ELAVL2: variants seen among roughly 807,000 people sequenced by gnomAD.
ELAVL2 encodes the protein ELAV-like protein 2.
ELAVL2 carries 4 observed loss-of-function variants against 34.6 expected under a neutral mutation model. The ratio of observed to expected loss-of-function variants is 0.12; its 90% confidence interval spans 0.06 to 0.26. ELAVL2 has a LOEUF of 0.26. Among genes scored for constraint, ELAVL2 ranks in the 10% least tolerant of loss-of-function variants. The probability of loss-of-function intolerance (pLI) is 1.00; values close to 1 mark genes in which losing one functional copy is unlikely to be tolerated. For missense variants in ELAVL2, 432 were observed against 442.8 expected (o/e 0.98, Z 0.22); for synonymous variants, 193 against 154.8 (o/e 1.25, Z -1.83).
At chr9:23,788,546 G>T (rs1290317764) in intron 1 of ELAVL2, among the ~76,000 whole-genome samples, 2 of 152,142 alleles carry the variant, frequency 1.3e-5, no homozygotes, top group Admixed American at 6.5e-5. Context: ...AAGAACTGCT[G>T]TAACAGTACA....
intron 3 of ELAVL2, among the ~76,000 whole-genome samples, chr9:23,722,531 T>C (rs1027108607): frequency 2.0e-5 from 3 of 152,278 alleles, no homozygotes; most frequent in East Asian, 1.9e-4. Context: ...ACCTAAGAGA[T>C]CTGGTCCAGA....
chr9:23,811,544 T>A (rs1252547186), intron 1 of ELAVL2, among the ~76,000 whole-genome samples: 1 of 152,216 alleles, frequency 6.6e-6, no homozygotes, highest in African/African-American at 2.4e-5. Context: ...TCTGTCCTGT[T>A]ACTTGCTTCT....
chr9:23,811,761 A>G (rs1159949698), intron 1 of ELAVL2, among the ~76,000 whole-genome samples: 2 of 152,182 alleles, frequency 1.3e-5, no homozygotes, highest in Non-Finnish European at 2.9e-5. Context: ...TTCTGGGACA[A>G]CAGTGGAATT....
chr9:23,702,951 C>CAAAAAAAAAAAAAAAAAAAAAAAAAAA lies in ELAVL2; in HGVS notation c.488-1374_488-1348dup, dbSNP rs58828236. ...TTCCATTAGAAAAGCATCAGATTAG[C>CAAAAAAAAAAAAAAAAAAAAAAAAAAA]AAAAAAAAAAAAAAAAAAAAAAAAA... On this transcript the variant is annotated intron_variant, in intron 4 of 6. Transcript: ENST00000397312. Among the ~76,000 whole-genome samples the CAAAAAAAAAAAAAAAAAAAAAAAAAAA allele has an allele frequency of 7.3e-4, 35 of 47,650 alleles. 11 individuals carry two copies. The highest frequency in any genetic ancestry group is 1.1e-3 in the Non-Finnish European group (27 of 24,950). 31.3% of individuals were successfully genotyped at this position (47,650 alleles called of 152,430 possible). A position where few individuals can be genotyped will look rare whatever the true frequency, so the allele number is the denominator to read the frequency against.
chr9:23,802,347 T>C (rs1337026312), intron 1 of ELAVL2, among the ~76,000 whole-genome samples: 1 of 152,172 alleles, frequency 6.6e-6, no homozygotes, highest in Non-Finnish European at 1.5e-5. Flanking sequence ...CCTCAATTTT[T>C]AGACAGAGAA....
At chr9:23,714,462 G>C (rs2041802370) in intron 3 of ELAVL2, among the ~76,000 whole-genome samples, 1 of 152,174 alleles carries the variant, frequency 6.6e-6, no homozygotes, top group Admixed American at 6.5e-5. Flanking sequence ...AGCCTGGATG[G>C]AGGGAACATA....
chr9:23,831,179 AGATTTAT>A (rs756150534), upstream of ELAVL2, among the ~76,000 whole-genome samples: 2 of 152,204 alleles, frequency 1.3e-5, no homozygotes, highest in Non-Finnish European at 2.9e-5. Context: ...CTTATATTGA[AGATTTAT>A]GTTTCCACTT....
intron 2 of ELAVL2, among the ~76,000 whole-genome samples, chr9:23,740,785 G>T (rs2048974500): frequency 6.6e-6 from 1 of 152,160 alleles, no homozygotes. Context: ...TTTAAAATGG[G>T]CCTTGATTTA....
At chr9:23,707,714 C>T (rs1451234031) in intron 3 of ELAVL2, among the ~76,000 whole-genome samples, 2 of 152,184 alleles carry the variant, frequency 1.3e-5, no homozygotes, top group African/African-American at 2.4e-5. Context: ...CACAATTCTA[C>T]CTTCTTTATA....
chr9:23,759,609 T>C lies in ELAVL2; in HGVS notation c.229+2397A>G, dbSNP rs79362935. On this transcript the variant is annotated intron_variant, in intron 2 of 6. Transcript: ENST00000397312. ...GAGATTTGGAAATGCTATAATACCC[T>C]GCTTGATCATTACACAATGTATATA... is the stretch of plus-strand genomic sequence containing the variant. 5.5e-3 allele frequency among the ~76,000 whole-genome samples: 831 copies of C among 151,492 alleles called. 16 individuals carry two copies. In the East Asian group the frequency reaches 0.065, roughly 12 times the overall value.
intron 2 of ELAVL2, among the ~76,000 whole-genome samples, chr9:23,745,382 T>C (rs1485780037): frequency 6.6e-6 from 1 of 152,192 alleles, no homozygotes; most frequent in Non-Finnish European, 1.5e-5. Context: ...TCCCCTGCCC[T>C]ACCCACCACC....
intron 3 of ELAVL2, 72 bp from the exon 4 acceptor site, chr9:23,705,143 T>G: frequency 5.1e-6 from 8 of 1,568,122 alleles, no homozygotes; most frequent in Non-Finnish European, 6.9e-6. Context: ...ACTCAAAAAC[T>G]GCCTCGGTAA....
intron 3 of ELAVL2, among the ~76,000 whole-genome samples, chr9:23,719,180 C>T (rs1013109129): frequency 7.9e-5 from 12 of 152,114 alleles, no homozygotes; most frequent in South Asian, 6.2e-4. Context: ...TTGAGAATCC[C>T]GTCCTGAGAT....
chr9:23,788,138 A>T (rs933356744), intron 1 of ELAVL2, among the ~76,000 whole-genome samples: 1 of 152,224 alleles, frequency 6.6e-6, no homozygotes, highest in African/African-American at 2.4e-5. Context: ...ATGGGTATGA[A>T]TTTTAGGAAA....
chr9:23,773,945 C>T (rs576245735), intron 1 of ELAVL2, among the ~76,000 whole-genome samples: 3 of 152,028 alleles, frequency 2.0e-5, no homozygotes, highest in African/African-American at 7.2e-5. Context: ...GGCGCAGTGG[C>T]TCACACTTCT....
the ELAVL2 span, among the ~76,000 whole-genome samples, chr9:23,841,160 A>C: frequency 6.6e-6 from 1 of 152,122 alleles, no homozygotes; most frequent in Admixed American, 6.6e-5. Context: ...TAGCAATGTC[A>C]GTAGAGGTGG....
chr9:23,735,105 C>CAAAAAAAAAAAAGAAAAA (rs2047513373), intron 2 of ELAVL2: 1 of 27,952 alleles, frequency 3.6e-5, no homozygotes, highest in Non-Finnish European at 6.5e-5. Context: ...TAAGGCTCTT[C>CAAAAAAAAAAAAGAAAAA]AAAAAAAAAA....
intron 1 of ELAVL2, among the ~76,000 whole-genome samples, chr9:23,763,767 T>G (rs1190503211): frequency 1.3e-5 from 2 of 152,124 alleles, no homozygotes; most frequent in East Asian, 3.9e-4. Context: ...AGTGCTGTCA[T>G]GATAAAAAAA....
intron 3 of ELAVL2, among the ~76,000 whole-genome samples, chr9:23,720,162 A>G (rs1587674516): frequency 6.7e-6 from 1 of 149,146 alleles, no homozygotes; most frequent in South Asian, 2.1e-4. Flanking sequence ...CCCAATCTCT[A>G]TAAGACACCC....
Sources: allele counts gnomAD v4.1 joint callset (sites outside exome capture counted in the v4.1 genomes callset), GRCh38; gene constraint gnomAD v4.1.1; transcripts MANE v1.5; gene names NCBI Gene and HGNC (gene_info 2026-07-23, HGNC 2026-07-21).